The following MIS18A variants were observed in gnomAD, a reference collection of about 807,000 sequenced individuals.
MIS18A encodes the protein MIS18 kinetochore protein A.
MIS18A carries 14 observed loss-of-function variants against 25.0 expected under a neutral mutation model. That is an observed-to-expected ratio of 0.56 (90% CI 0.37 to 0.88). MIS18A has a LOEUF of 0.88. MIS18A is among the 40% of genes least tolerant of loss of function. The pLI is 0.00. For missense variants in MIS18A, 292 were observed against 290.8 expected (o/e 1.00, Z -0.03); for synonymous variants, 134 against 118.6 (o/e 1.13, Z -0.84).
At chr21:32,163,254 AT>A in the MIS18A span, among the ~76,000 whole-genome samples, 1 of 152,162 alleles carries the variant, frequency 6.6e-6, no homozygotes, top group Non-Finnish European at 1.5e-5. Flanking sequence ...TTTCCACTTC[AT>A]TTTTTGCTGG....
At chr21:32,220,783 T>C in the MIS18A span, among the ~76,000 whole-genome samples, 9 of 151,840 alleles carry the variant, frequency 5.9e-5, no homozygotes, top group Admixed American at 5.9e-4. Flanking sequence ...GAGAAGAACA[T>C]AAATGACATG....
At chr21:32,180,457 C>T in the MIS18A span, among the ~76,000 whole-genome samples, 1 of 152,196 alleles carries the variant, frequency 6.6e-6, no homozygotes, top group Non-Finnish European at 1.5e-5. Context: ...CAAACCTCCA[C>T]AGTCCCTCTC....
the MIS18A span, among the ~76,000 whole-genome samples, chr21:32,211,360 AG>A: frequency 2.0e-5 from 3 of 152,190 alleles, no homozygotes; most frequent in South Asian, 4.1e-4. Flanking sequence ...TATTAATTGG[AG>A]AAAGGAGGAA....
chr21:32,270,683 G>T, intron 2 of MIS18A, 154 bp from the exon 3 acceptor site: 2 of 722,384 alleles, frequency 2.8e-6, no homozygotes, highest in African/African-American at 1.8e-5. Context: ...ATGATAGTAA[G>T]ATATTTACAA....
At chr21:32,171,148 G>C in the MIS18A span, among the ~76,000 whole-genome samples, 1 of 151,980 alleles carries the variant, frequency 6.6e-6, no homozygotes, top group Non-Finnish European at 1.5e-5. Flanking sequence ...CATTAGGCAA[G>C]AAAATGAAAT....
the MIS18A span, among the ~76,000 whole-genome samples, chr21:32,183,604 T>C: frequency 6.6e-6 from 1 of 152,216 alleles, no homozygotes; most frequent in Non-Finnish European, 1.5e-5. Flanking sequence ...GTGGTCATTT[T>C]TGGCCCTTCT....
chr21:32,203,249 GA>G, the MIS18A span, among the ~76,000 whole-genome samples: 1 of 151,202 alleles, frequency 6.6e-6, no homozygotes, highest in South Asian at 2.1e-4. Context: ...AGAAGGAATA[GA>G]AAAAATAAAG....
the MIS18A span, among the ~76,000 whole-genome samples, chr21:32,243,341 G>C: frequency 6.6e-6 from 1 of 152,226 alleles, no homozygotes; most frequent in East Asian, 1.9e-4. Context: ...TAAAAAAAGA[G>C]TTGGATCTAG....
chr21:32,278,558 T>A, intron 1 of MIS18A, 123 bp downstream of exon 1: 1 of 1,059,238 alleles, frequency 9.4e-7, no homozygotes, highest in Non-Finnish European at 1.3e-6. Flanking sequence ...ACTCTCAGAC[T>A]TTTTGCTCTT....
At chr21:32,160,856 T>C in the MIS18A span, among the ~76,000 whole-genome samples, 1 of 152,008 alleles carries the variant, frequency 6.6e-6, no homozygotes, top group East Asian at 1.9e-4. Flanking sequence ...GTCTCGAACT[T>C]CCAACCTCAG....
chr21:32,189,299 AAC>A, the MIS18A span, among the ~76,000 whole-genome samples: 1 of 152,120 alleles, frequency 6.6e-6, no homozygotes, highest in Non-Finnish European at 1.5e-5. Flanking sequence ...TAAGTTTTGA[AAC>A]AGAGTCTCAC....
the MIS18A span, among the ~76,000 whole-genome samples, chr21:32,212,327 G>A: frequency 2.6e-5 from 4 of 152,102 alleles, no homozygotes; most frequent in South Asian, 2.1e-4. Flanking sequence ...CCTACTTCTC[G>A]TGGTTGGCAG....
the MIS18A span, among the ~76,000 whole-genome samples, chr21:32,258,187 T>C: frequency 2.6e-5 from 4 of 152,094 alleles, no homozygotes; most frequent in African/African-American, 9.7e-5. Flanking sequence ...TAGTAACAAA[T>C]CTGAGTCATG....
the MIS18A span, among the ~76,000 whole-genome samples, chr21:32,168,420 T>C: frequency 6.6e-6 from 1 of 152,324 alleles, no homozygotes; most frequent in African/African-American, 2.4e-5. Flanking sequence ...TTCTAATGTC[T>C]ACCAGGAGAC....
the MIS18A span, among the ~76,000 whole-genome samples, chr21:32,170,188 T>C: frequency 6.6e-6 from 1 of 152,064 alleles, no homozygotes; most frequent in African/African-American, 2.4e-5. Flanking sequence ...AATAAACTAT[T>C]CTACCAAAAA....
chr21:32,247,423 C>T, the MIS18A span, among the ~76,000 whole-genome samples: 2 of 152,166 alleles, frequency 1.3e-5, no homozygotes, highest in Non-Finnish European at 2.9e-5. Context: ...CTGCCATGTT[C>T]CTGTTGCAAG....
chr21:32,167,854 A>G, the MIS18A span, among the ~76,000 whole-genome samples: 79,550 of 152,048 alleles, frequency 0.52, 22,231 homozygotes, highest in African/African-American at 0.71. Context: ...AAAAATATAT[A>G]TATTATTTTC....
chr21:32,191,822 T>G, the MIS18A span, among the ~76,000 whole-genome samples: 1 of 151,752 alleles, frequency 6.6e-6, no homozygotes, highest in African/African-American at 2.4e-5. Flanking sequence ...GCAGAATCGC[T>G]TCAACCCGGG....
chr21:32,225,053 T>C, the MIS18A span, among the ~76,000 whole-genome samples: 2 of 137,030 alleles, frequency 1.5e-5, no homozygotes, highest in Non-Finnish European at 3.1e-5. Flanking sequence ...TAATAAATGG[T>C]GCTGGGAAAA....
Sources: gnomAD v4.1 joint callset for allele counts (sites outside exome capture counted in the v4.1 genomes callset) on GRCh38, gnomAD v4.1.1 for gene constraint, MANE v1.5 for transcripts, NCBI Gene and HGNC (gene_info 2026-07-23, HGNC 2026-07-21) for gene names.